Variants in PRDM16 observed in about 807,000 individuals in gnomAD.
PRDM16 encodes PR/SET domain 16.
PRDM16 carries 23 observed loss-of-function variants against 110.6 expected under a neutral mutation model. The ratio of observed to expected loss-of-function variants is 0.21; its 90% CI spans 0.15 to 0.29. The LOEUF (loss-of-function observed/expected upper bound fraction) is 0.29, where lower values mean the gene tolerates loss of function less well. PRDM16 is among the 10% of genes least tolerant of loss of function. The pLI is 1.00. For missense variants in PRDM16, 1,615 were observed against 1,794.3 expected (o/e 0.90, Z 1.81); for synonymous variants, 799 against 781.8 (o/e 1.02, Z -0.37).
Position 3,412,356 on chromosome 1 carries a change from C to A in PRDM16, c.2159C>A (p.Pro720His), listed in dbSNP as rs1200532527. 2 of 1,613,694 alleles carry A rather than the reference C, an allele frequency of 1.2e-6. No homozygotes were observed. The highest frequency in any genetic ancestry group is 1.7e-6 in the Non-Finnish European group (2 of 1,180,030). The change falls in exon 9 of 17, where the codon CCC becomes CAC. Residue 720 changes from proline (P) to histidine (H), a missense_variant. Coordinates refer to ENST00000270722, the MANE Select transcript of PRDM16 (RefSeq NM_022114.4). ...GMQEKKLGSL[P>H]YHSAFPFQFL... ...CAGGAGAAGAAGCTGGGCTCGCTCC[C>A]CTACCACTCGGCGTTCCCCTTCCAG...
rs80088329 is a variant in PRDM16 at position 3,102,074 on chromosome 1, G to A, written c.37+32778G>A. On this transcript the variant is annotated intron_variant, in intron 1 of 16. Coordinates refer to ENST00000270722, the MANE Select transcript of PRDM16 (RefSeq NM_022114.4). ...TTACAAAACCAAGGAAGGCAGAGTT[G>A]GGGAGGATGCCCCGGCCACAGCTAA... 7.3e-3 allele frequency among the ~76,000 whole-genome samples: 1,115 copies of A among 152,348 alleles called. 13 individuals carry two copies. The highest frequency in any genetic ancestry group is 0.025 in the African/African-American group (1,047 of 41,572).
intron 3 of PRDM16, among the ~76,000 whole-genome samples, chr1:3,325,924 T>TTAG: frequency 9.7e-6 from 1 of 102,966 alleles, no homozygotes; most frequent in East Asian, 4.2e-4. Flanking sequence ...TTGGCCCTCC[T>TTAG]CGGCCCTCTT....
At chr1:3,264,277 C>G (rs542763402) in intron 3 of PRDM16, among the ~76,000 whole-genome samples, 379 of 152,274 alleles carry the variant, frequency 2.5e-3, no homozygotes, top group African/African-American at 8.2e-3. Context: ...GGATATGGAG[C>G]AGAGCTGAGC....
chr1:3,292,445 C>G (rs1640996580), intron 3 of PRDM16, among the ~76,000 whole-genome samples: 1 of 152,208 alleles, frequency 6.6e-6, no homozygotes. Flanking sequence ...GAGAGATAAA[C>G]CACACTTGAG....
chr1:3,178,989 T>G (rs1644121575), intron 1 of PRDM16, among the ~76,000 whole-genome samples: 1 of 152,192 alleles, frequency 6.6e-6, no homozygotes, highest in South Asian at 2.1e-4. Context: ...TCCCTTGGGC[T>G]GGCCCTGGCC....
chr1:3,322,117 A>T (rs866395843), intron 3 of PRDM16, among the ~76,000 whole-genome samples: 13 of 149,894 alleles, frequency 8.7e-5, no homozygotes, highest in Middle Eastern at 3.7e-3. Flanking sequence ...TGATTGTGAT[A>T]TGCACAATGT....
chr1:3,116,950 G>T (rs1430276509), intron 1 of PRDM16, among the ~76,000 whole-genome samples: 2 of 152,210 alleles, frequency 1.3e-5, no homozygotes, highest in African/African-American at 4.8e-5. Flanking sequence ...CTCACACCTG[G>T]GGTGGATCAG....
chr1:3,234,072 C>T (rs1037688265), intron 2 of PRDM16, among the ~76,000 whole-genome samples: 1 of 152,002 alleles, frequency 6.6e-6, no homozygotes, highest in East Asian at 1.9e-4. Flanking sequence ...ATGTGACTTT[C>T]GGGGTTTGCG....
At chr1:3,124,905 G>C (rs1449115874) in intron 1 of PRDM16, among the ~76,000 whole-genome samples, 2 of 152,204 alleles carry the variant, frequency 1.3e-5, no homozygotes, top group Admixed American at 6.5e-5. Flanking sequence ...TGGAGAAGGG[G>C]CCCCAGGTCT....
chr1:3,391,236 C>T (rs557766226), intron 4 of PRDM16, among the ~76,000 whole-genome samples: 7 of 152,178 alleles, frequency 4.6e-5, no homozygotes, highest in South Asian at 2.1e-4. Context: ...TTGAAATGGG[C>T]GGGAGGAGGG....
intron 3 of PRDM16, among the ~76,000 whole-genome samples, chr1:3,277,536 T>C (rs1640613073): frequency 6.6e-6 from 1 of 152,228 alleles, no homozygotes; most frequent in Admixed American, 6.5e-5. Context: ...CCCGACCCTC[T>C]CCTTTTCTGG....
rs113174929 is a variant in PRDM16 at position 3,386,404 on chromosome 1, C to T, written c.573+1118C>T. Among the ~76,000 whole-genome samples the T allele has an allele frequency of 9.8e-3, 1,490 of 152,270 alleles. 24 individuals are homozygous for T. The highest frequency in any genetic ancestry group is 0.034 in the African/African-American group (1,410 of 41,550). On this transcript the variant is annotated intron_variant, in intron 4 of 16. Coordinates refer to ENST00000270722, the MANE Select transcript of PRDM16 (RefSeq NM_022114.4). ...CACAGAGCAAACTCCAGGGAGGTCC[C>T]GCAGGCCCCGGCTGGCTGCCAGGGG...
At chr1:3,131,255 A>G (rs1643330853) in intron 1 of PRDM16, among the ~76,000 whole-genome samples, 1 of 152,120 alleles carries the variant, frequency 6.6e-6, no homozygotes, top group Admixed American at 6.6e-5. Flanking sequence ...AGTTGTCTGC[A>G]TTTATTTTGC....
rs1557509391 is a variant in PRDM16 at position 3,181,490 on chromosome 1, CCTT to C, written c.38-4634_38-4632del. Reference sequence around the variant, plus strand: ...CTTACACACGCAGTCTTACACACAGCCTTACGCATGGTCTTACACACGCAGTCT... The same window carrying C: ...CTTACACACGCAGTCTTACACACAGCACGCATGGTCTTACACACGCAGTCT... On this transcript the variant is annotated intron_variant, in intron 1 of 16. Transcript: ENST00000270722. Among the ~76,000 whole-genome samples, 43 of 21,958 alleles carry C rather than the reference CCTT, an allele frequency of 2.0e-3. 5 individuals carry two copies. The highest frequency in any genetic ancestry group is 5.8e-3 in the Admixed American group (9 of 1,550). 14.4% of individuals were successfully genotyped at this position (21,958 alleles called of 152,430 possible).
At chr1:3,360,088 C>G (rs180986382) in intron 3 of PRDM16, among the ~76,000 whole-genome samples, 2 of 145,044 alleles carry the variant, frequency 1.4e-5, no homozygotes, top group African/African-American at 2.9e-5. Flanking sequence ...GTAAATGAAT[C>G]GAACACTTCT....
chr1:3,183,455 G>A (rs1040012411), intron 1 of PRDM16, among the ~76,000 whole-genome samples: 4 of 152,168 alleles, frequency 2.6e-5, no homozygotes, highest in African/African-American at 9.7e-5. Context: ...AATGTTTTCT[G>A]CACACGAATT....
At chr1:3,112,030 G>A (rs949892419) in intron 1 of PRDM16, among the ~76,000 whole-genome samples, 2 of 152,232 alleles carry the variant, frequency 1.3e-5, no homozygotes, top group African/African-American at 4.8e-5. Context: ...TTGGGGGGCT[G>A]TGATTAAGAT....
At chr1:3,354,868 G>A (rs1469790923) in intron 3 of PRDM16, among the ~76,000 whole-genome samples, 2 of 152,122 alleles carry the variant, frequency 1.3e-5, no homozygotes, top group African/African-American at 2.4e-5. Context: ...AGTGCCCTGT[G>A]TTCCCAGGCA....
intron 2 of PRDM16, among the ~76,000 whole-genome samples, chr1:3,219,435 C>A (rs1174064884): frequency 1.3e-5 from 2 of 152,192 alleles, no homozygotes; most frequent in African/African-American, 2.4e-5. Flanking sequence ...TCCCGGAGGA[C>A]CTGCCTTCTC....
Sources: gnomAD v4.1 joint callset for allele counts (sites outside exome capture counted in the v4.1 genomes callset) on GRCh38, gnomAD v4.1.1 for gene constraint, MANE v1.5 for transcripts, NCBI Gene and HGNC (gene_info 2026-07-23, HGNC 2026-07-21) for gene names.